RUNX1T1: variants seen among roughly 807,000 people sequenced by gnomAD.
The protein encoded by RUNX1T1 is RUNX1 partner transcriptional co-repressor 1.
RUNX1T1 carries 4 observed loss-of-function variants against 62.8 expected under a neutral mutation model. The observed-to-expected ratio is 0.06, with a 90% CI of 0.03 to 0.15. RUNX1T1 has a LOEUF of 0.15. Among genes scored for constraint, RUNX1T1 ranks in the 10% least tolerant of loss-of-function variants. The pLI is 1.00. For missense variants in RUNX1T1, 508 were observed against 754.3 expected, an observed-to-expected ratio of 0.67 and a Z score of 3.82; for synonymous variants, 291 against 286.0, an observed-to-expected ratio of 1.02 and a Z score of -0.18.
intron 1 of RUNX1T1, among the ~76,000 whole-genome samples, chr8:92,045,929 A>T (rs1408192865): frequency 6.6e-6 from 1 of 152,114 alleles, no homozygotes; most frequent in Non-Finnish European, 1.5e-5. Context: ...AGTAGATTTT[A>T]TTTTTTTCAG....
intron 2 of RUNX1T1, among the ~76,000 whole-genome samples, chr8:92,070,018 TCA>T (rs1281177300): frequency 2.6e-5 from 4 of 152,218 alleles, no homozygotes; most frequent in African/African-American, 9.6e-5. Flanking sequence ...TTCTCTTCTC[TCA>T]CAGATTGTTT....
rs1369047020 is a variant in RUNX1T1 at position 91,961,055 on chromosome 8, C to G, written c.1459-538G>C. 2.0e-5 allele frequency among the ~76,000 whole-genome samples: 3 copies of G among 152,320 alleles called. No homozygotes were observed. The South Asian group carries it at 6.2e-4, about 32-fold the overall frequency. On this transcript the variant is annotated intron_variant, in intron 10 of 10. Coordinates refer to ENST00000396218, the Ensembl canonical transcript of RUNX1T1. Reference sequence around the variant, plus strand: ...AGACTAGACAAGGTGAGGCAAAGTCCTTTAACCTCTCTATGTCTTTAGTTC... The same window carrying G: ...AGACTAGACAAGGTGAGGCAAAGTCGTTTAACCTCTCTATGTCTTTAGTTC...
chr8:92,021,273 C>G (rs1824042054), intron 1 of RUNX1T1, among the ~76,000 whole-genome samples: 1 of 152,092 alleles, frequency 6.6e-6, no homozygotes. Flanking sequence ...GGGTATAGAA[C>G]TTTAATTTTT....
intron 1 of RUNX1T1, among the ~76,000 whole-genome samples, chr8:92,034,159 C>T (rs1052191534): frequency 1.3e-5 from 2 of 151,974 alleles, no homozygotes; most frequent in Admixed American, 6.6e-5. Flanking sequence ...GCCTTATTCA[C>T]CTTTGTATCC....
At position 91,976,128 on chromosome 8, in the gene RUNX1T1, CAT is replaced by C. The variant is rs1425338055; in HGVS notation, c.1199-157_1199-156del. The C allele has an allele frequency of 7.0e-6, 4 of 573,610 alleles. No individual in the cohort carries two copies. In the East Asian group the frequency reaches 1.1e-4, roughly 16 times the overall value. The allele number at this position is 573,610 out of a possible 1,614,324, so 35.5% of individuals were successfully genotyped here. A position where few individuals can be genotyped will look rare whatever the true frequency, so the allele number is the denominator to read the frequency against. On this transcript the variant is annotated intron_variant, in intron 8 of 10. Coordinates refer to ENST00000396218, the Ensembl canonical transcript of RUNX1T1. ...CTAAACATTTCACTTCTTGAAAACA[CAT>C]AAAAATAGCAAGGCCTGTCATCAGA... is the stretch of plus-strand genomic sequence containing the variant.
chr8:92,005,801 C>T (rs1820654160), intron 4 of RUNX1T1: 1 of 152,394 alleles, frequency 6.6e-6, no homozygotes. Flanking sequence ...AATGAAAATA[C>T]ACTTAAAAAT....
chr8:91,993,494 C>T (rs975948100), intron 5 of RUNX1T1, among the ~76,000 whole-genome samples: 3 of 152,058 alleles, frequency 2.0e-5, no homozygotes, highest in Admixed American at 6.5e-5. Flanking sequence ...ACCCTTAGGA[C>T]TCAGCCGTGT....
chr8:92,096,467 G>C (rs1392545970), intron 1 of RUNX1T1, among the ~76,000 whole-genome samples: 2 of 152,224 alleles, frequency 1.3e-5, no homozygotes, highest in East Asian at 3.9e-4. Context: ...CACCTGAGTA[G>C]TCCCTTGGGA....
chr8:92,071,935 C>T (rs1321006728), intron 2 of RUNX1T1, among the ~76,000 whole-genome samples: 1 of 152,096 alleles, frequency 6.6e-6, no homozygotes, highest in Non-Finnish European at 1.5e-5. Context: ...CAAGTCCTGC[C>T]TATAAAAACA....
rs996390167 is a variant in RUNX1T1 at position 92,042,019 on chromosome 8, C to T, written c.7+20527G>A. Among the ~76,000 whole-genome samples, 8 of 151,842 alleles carry T rather than the reference C, an allele frequency of 5.3e-5. No homozygotes were observed. The East Asian group carries it at 9.8e-4, about 19-fold the overall frequency. Reference sequence around the variant, plus strand: ...TGTATTTTTAGTAAAGACAGGGCTTCGCCACCTTGGCCAGGCTGGTCTCCA... The same window carrying T: ...TGTATTTTTAGTAAAGACAGGGCTTTGCCACCTTGGCCAGGCTGGTCTCCA... On this transcript the variant is annotated intron_variant, in intron 1 of 10. Coordinates refer to ENST00000396218, the Ensembl canonical transcript of RUNX1T1.
At chr8:92,085,651 T>TG (rs1835989384) in intron 1 of RUNX1T1, among the ~76,000 whole-genome samples, 2 of 152,198 alleles carry the variant, frequency 1.3e-5, no homozygotes, top group Admixed American at 6.5e-5. Flanking sequence ...ATGGTTAAAG[T>TG]TCAAAAAATA....
chr8:92,056,568 C>T lies in RUNX1T1; in HGVS notation c.7+5978G>A, dbSNP rs145430833. 3.3e-3 allele frequency among the ~76,000 whole-genome samples: 499 copies of T among 152,044 alleles called. 5 individuals are homozygous for T. The highest frequency in any genetic ancestry group is 0.012 in the African/African-American group (482 of 41,512). On this transcript the variant is annotated intron_variant, in intron 1 of 10. Coordinates refer to ENST00000396218, the Ensembl canonical transcript of RUNX1T1. Reference sequence around the variant, plus strand: ...GCGAAATGTGGAAAACAAAATCAAGCCTTCTAGAGAAAGCATCCCACAATT... The same window carrying T: ...GCGAAATGTGGAAAACAAAATCAAGTCTTCTAGAGAAAGCATCCCACAATT...
chr8:92,053,642 C>A (rs1830568054), intron 1 of RUNX1T1, among the ~76,000 whole-genome samples: 1 of 152,304 alleles, frequency 6.6e-6, no homozygotes, highest in South Asian at 2.1e-4. Flanking sequence ...AGAAAATTCT[C>A]ATTCGTAAAG....
intron 5 of RUNX1T1, among the ~76,000 whole-genome samples, chr8:91,999,799 G>A (rs1366477769): frequency 2.0e-5 from 3 of 152,108 alleles, no homozygotes; most frequent in Non-Finnish European, 4.4e-5. Flanking sequence ...TAGATACTGA[G>A]TTAGGCCATG....
upstream of RUNX1T1, chr8:92,063,063 C>A: frequency 8.6e-6 from 5 of 579,884 alleles, no homozygotes; most frequent in African/African-American, 2.0e-5. Flanking sequence ...GGCTTCCCTT[C>A]ATCTTCTCAT....
intron 1 of RUNX1T1, among the ~76,000 whole-genome samples, chr8:92,026,498 C>A (rs1024415113): frequency 6.6e-6 from 1 of 152,180 alleles, no homozygotes; most frequent in Admixed American, 6.5e-5. Flanking sequence ...ACTCAGTAAA[C>A]GTTAAATCTG....
chr8:91,991,477 T>C lies in RUNX1T1; in HGVS notation c.910+162A>G, dbSNP rs73698207. 3.0e-3 allele frequency among the ~76,000 whole-genome samples: 451 copies of C among 152,276 alleles called. 1 individual carries two copies. The highest frequency in any genetic ancestry group is 0.01 in the African/African-American group (428 of 41,548). On this transcript the variant is annotated intron_variant, in intron 6 of 10. Transcript: ENST00000396218. ...GAAAGTACAGCTGTTAAAAGTCTAT[T>C]AATACCAATCAAGTTTTTTTCATAA...
At chr8:92,076,654 C>T (rs1420131147) in intron 1 of RUNX1T1, among the ~76,000 whole-genome samples, 1 of 151,950 alleles carries the variant, frequency 6.6e-6, no homozygotes, top group Non-Finnish European at 1.5e-5. Flanking sequence ...TTTAAAACAA[C>T]AGTGAAGAAT....
intron 1 of RUNX1T1, among the ~76,000 whole-genome samples, chr8:92,044,615 A>G (rs1829060147): frequency 6.6e-6 from 1 of 152,216 alleles, no homozygotes; most frequent in Non-Finnish European, 1.5e-5. Flanking sequence ...AAGCATGGAT[A>G]AACCTAATGA....
Sources: gnomAD v4.1 joint callset for allele counts (sites outside exome capture counted in the v4.1 genomes callset) on GRCh38, gnomAD v4.1.1 for gene constraint, MANE v1.5 for transcripts, NCBI Gene and HGNC (gene_info 2026-07-23, HGNC 2026-07-21) for gene names.